Variants in GBP6 observed in about 807,000 individuals in gnomAD.
GBP6 encodes the protein guanylate binding protein family member 6, also known as guanylate-binding protein 6.
Under a neutral mutation model 61.5 loss-of-function variants are expected in GBP6, and 54 were observed. That is an observed-to-expected ratio of 0.88 (90% CI 0.71 to 1.10). The LOEUF is 1.10. Ranked by LOEUF, GBP6 falls within the 50% of genes least tolerant of loss-of-function variation. GBP6 has a pLI of 0.00. For synonymous variants in GBP6, 255 were observed against 273.7 expected (o/e 0.93, Z 0.67); for missense variants, 748 against 752.8 (o/e 0.99, Z 0.07).
Position 89,378,408 on chromosome 1 carries a change from A to G in GBP6, c.429-9A>G, listed in dbSNP as rs370200483. 5.0e-6 allele frequency: 8 copies of G among 1,610,016 alleles called. No individual in the cohort carries two copies. Among genetic ancestry groups the G allele is most frequent in the Non-Finnish European group, 6.8e-6 (8 of 1,178,680 alleles). On this transcript the variant is annotated splice_polypyrimidine_tract_variant and intron_variant, in intron 4 of 10. Transcript: ENST00000370456. ...GGCAGACAGTTGCTTTTCCTTACCT[A>G]AGTCCTAGTTATGTGACGGAGCTCA...
At chr1:89,368,453 C>T (rs1652525035) in intron 1 of GBP6, 76 bp from the exon 2 acceptor site, 4 of 1,078,240 alleles carry the variant, frequency 3.7e-6, no homozygotes, top group Non-Finnish European at 5.5e-6. Flanking sequence ...ACAGAAGTCT[C>T]ATTAGTCCTA....
rs1653102786 is a variant in GBP6 at position 89,385,289 on chromosome 1, G to A, written c.1722G>A (p.Glu574=). Residue 574 remains glutamate (E), a synonymous_variant, in exon 11 of 11, where the codon GAG becomes GAA. Transcript: ENST00000370456. ...AGAAGTATGAGGAGATGAATGCAGA[G>A]ATAAGTCAATTTAAACGTATGATTG... ...FKKKYEEMNA[E]ISQFKRMIDT... 6.2e-7 allele frequency: 1 copy of A among 1,613,800 alleles called. No homozygotes were observed. Among genetic ancestry groups the A allele is most frequent in the Non-Finnish European group, 8.5e-7 (1 of 1,179,802 alleles).
At chr1:89,369,442 A>C in intron 2 of GBP6, 104 bp from the exon 3 acceptor site, 2 of 1,323,170 alleles carry the variant, frequency 1.5e-6, no homozygotes, top group Non-Finnish European at 2.1e-6. Flanking sequence ...AAGGACCATC[A>C]TGTATGTTGG....
chr1:89,378,606 G>A lies in GBP6; in HGVS notation c.618G>A (p.Leu206=), dbSNP rs1341267031. 1 of 1,611,474 alleles carries A rather than the reference G, an allele frequency of 6.2e-7. No individual in the cohort carries two copies. The highest frequency in any genetic ancestry group is 8.5e-7 in the Non-Finnish European group (1 of 1,178,118). ...AATACCTGGAGAATGCCTTGAAGCT[G>A]ATTCAAGGTATCAGAATGTGGCCTG... The part of the protein sequence containing the change: ...EDEYLENALK[L]IQGNNPRVQT... The change falls in exon 5 of 11, where the codon CTG becomes CTA. Residue 206 remains leucine (L), a synonymous_variant. Coordinates refer to ENST00000370456, the MANE Select transcript of GBP6 (RefSeq NM_198460.3).
intron 10 of GBP6, among the ~76,000 whole-genome samples, chr1:89,384,888 T>C (rs189275425): frequency 1.3e-5 from 2 of 152,368 alleles, no homozygotes; most frequent in Admixed American, 1.3e-4. Flanking sequence ...TATAAGTTTT[T>C]GGTATTCCTA....
rs1316467689 is a variant in GBP6, at chr1:89,380,523, A to G, written c.763A>G (p.Lys255Glu). The change falls in exon 6 of 11, where the codon AAG becomes GAG. Residue 255 changes from lysine to glutamate, a missense_variant. Coordinates refer to ENST00000370456, the MANE Select transcript of GBP6 (RefSeq NM_198460.3). ...AGCCAATATTGAGAAGGTGTCAGAA[A>G]AGCAACTGGATCCCAAATTCCAGGA... ...LLANIEKVSE[K>E]QLDPKFQEQT... 1 of 1,614,044 alleles carries G rather than the reference A, an allele frequency of 6.2e-7. No individual in the cohort carries two copies. The highest frequency in any genetic ancestry group is 8.5e-7 in the Non-Finnish European group (1 of 1,180,032).
intron 3 of GBP6, among the ~76,000 whole-genome samples, chr1:89,373,573 C>G (rs1652707854): frequency 6.6e-6 from 1 of 152,090 alleles, no homozygotes; most frequent in African/African-American, 2.4e-5. Flanking sequence ...GGACAAAAAA[C>G]CAAACACCAC....
intron 3 of GBP6, among the ~76,000 whole-genome samples, chr1:89,373,767 A>G (rs1243082116): frequency 1.3e-5 from 2 of 152,084 alleles, no homozygotes; most frequent in Non-Finnish European, 2.9e-5. Flanking sequence ...ATACATATGT[A>G]ACAAACCTGC....
intron 3 of GBP6, among the ~76,000 whole-genome samples, chr1:89,371,861 A>C (rs1476697108): frequency 6.6e-6 from 1 of 152,204 alleles, no homozygotes; most frequent in African/African-American, 2.4e-5. Context: ...TTAGGAAAAG[A>C]GGAAGTCAAA....
At chr1:89,367,095 T>A (rs1002085747) in intron 1 of GBP6, among the ~76,000 whole-genome samples, 1 of 152,240 alleles carries the variant, frequency 6.6e-6, no homozygotes, top group Non-Finnish European at 1.5e-5. Context: ...TTGGCTATTG[T>A]GCATAATGCT....
chr1:89,374,296 G>C (rs1652738307), intron 3 of GBP6, among the ~76,000 whole-genome samples: 1 of 151,936 alleles, frequency 6.6e-6, no homozygotes, highest in African/African-American at 2.4e-5. Flanking sequence ...TGGACATTCG[G>C]GTAGTTTCCA....
intron 3 of GBP6, among the ~76,000 whole-genome samples, chr1:89,374,480 T>G (rs1652747311): frequency 6.6e-6 from 1 of 152,214 alleles, no homozygotes; most frequent in Non-Finnish European, 1.5e-5. Context: ...ATGGTAGTTC[T>G]ATTTTTAATT....
chr1:89,382,757 G>A lies in GBP6; in HGVS notation c.1246G>A (p.Gly416Arg). Residue 416 changes from glycine to arginine, a missense_variant, in exon 8 of 11, where the codon GGA becomes AGA. Coordinates refer to ENST00000370456, the MANE Select transcript of GBP6 (RefSeq NM_198460.3). ...GGCTAAACTCAATGAGCTCTCAAAGGGACTAATGGAAAGTATCTCAGCAGG... is the reference window on the plus strand; with the variant it reads ...GGCTAAACTCAATGAGCTCTCAAAGAGACTAATGGAAAGTATCTCAGCAGG... The part of the protein sequence containing the change: ...CQAKLNELSK[G>R]LMESISAGSF... The A allele has an allele frequency of 6.2e-7, 1 of 1,613,940 alleles. No homozygotes were observed. Among genetic ancestry groups the A allele is most frequent in the Middle Eastern group, 1.6e-4 (1 of 6,062 alleles).
intron 1 of GBP6, among the ~76,000 whole-genome samples, chr1:89,365,017 C>G (rs1232004325): frequency 6.7e-6 from 1 of 149,840 alleles, no homozygotes; most frequent in Admixed American, 6.6e-5. Context: ...AACCCCCCGC[C>G]GCCCGTGTCC....
chr1:89,375,917 T>G (rs60879842), intron 3 of GBP6, among the ~76,000 whole-genome samples: 56 of 152,106 alleles, frequency 3.7e-4, no homozygotes, highest in Non-Finnish European at 6.8e-4. Flanking sequence ...CTAACTAAAA[T>G]TTTGTATCCT....
chr1:89,381,800 C>CG lies in GBP6; in HGVS notation c.979dup (p.Val327GlyfsTer6). 1.9e-6 allele frequency: 3 copies of CG among 1,614,062 alleles called. No individual in the cohort carries two copies. The highest frequency in any genetic ancestry group is 2.5e-6 in the Non-Finnish European group (3 of 1,179,998). ...TGGCCCAGCGTGAGAACTCAGCGGC[C>CG]GTGCAGAGGGCAGCTGACTACTACA... is the stretch of plus-strand genomic sequence containing the variant. On this transcript the variant is annotated frameshift_variant, in exon 7 of 11. Transcript: ENST00000370456. LOFTEE classifies it high-confidence loss of function.
intron 1 of GBP6, among the ~76,000 whole-genome samples, chr1:89,366,538 AT>A (rs528594367): frequency 1.2e-4 from 19 of 152,310 alleles, no homozygotes; most frequent in African/African-American, 4.3e-4. Context: ...TATGATGATC[AT>A]TAAAAAGTTA....
chr1:89,379,991 C>A (rs939790828), intron 5 of GBP6, among the ~76,000 whole-genome samples: 5 of 152,030 alleles, frequency 3.3e-5, no homozygotes, highest in African/African-American at 1.2e-4. Context: ...TAGAACAAAT[C>A]AGCTGGTGTC....
intron 2 of GBP6, 111 bp from the exon 3 acceptor site, chr1:89,369,435 G>A (rs1388445493): frequency 1.4e-5 from 17 of 1,253,236 alleles, no homozygotes; most frequent in Non-Finnish European, 1.6e-5. Context: ...ATACAGAAAG[G>A]ACCATCATGT....
Sources: gnomAD v4.1 joint callset for allele counts (sites outside exome capture counted in the v4.1 genomes callset) on GRCh38, gnomAD v4.1.1 for gene constraint, MANE v1.5 for transcripts, NCBI Gene and HGNC (gene_info 2026-07-23, HGNC 2026-07-21) for gene names.